SV2C: variants seen among roughly 807,000 people sequenced by gnomAD.
SV2C encodes synaptic vesicle glycoprotein 2C.
A neutral mutation model predicts 79.7 loss-of-function variants in SV2C; 49 were observed. That is an observed-to-expected ratio of 0.61 (90% CI 0.49 to 0.78). The LOEUF (loss-of-function observed/expected upper bound fraction) is 0.78, where lower values mean the gene tolerates loss of function less well. SV2C is among the 30% of genes least tolerant of loss of function. The probability of loss-of-function intolerance (pLI) is 0.00; values close to 1 mark genes in which losing one functional copy is unlikely to be tolerated. For missense variants in SV2C, 833 were observed against 912.9 expected, an observed-to-expected ratio of 0.91 and a Z score of 1.13; for synonymous variants, 334 against 333.2, an observed-to-expected ratio of 1.00 and a Z score of -0.03.
the SV2C span, among the ~76,000 whole-genome samples, chr5:75,902,342 T>C: frequency 6.6e-6 from 1 of 152,204 alleles, no homozygotes; most frequent in African/African-American, 2.4e-5. Flanking sequence ...CTTATGTCCC[T>C]GTGTGCAAGA....
the SV2C span, among the ~76,000 whole-genome samples, chr5:75,939,435 G>A: frequency 6.6e-6 from 1 of 152,002 alleles, no homozygotes; most frequent in Non-Finnish European, 1.5e-5. Context: ...TCAGACCAGG[G>A]CCCCATCCTT....
At chr5:76,279,314 C>T (rs1747112956) in intron 4 of SV2C, among the ~76,000 whole-genome samples, 1 of 152,168 alleles carries the variant, frequency 6.6e-6, no homozygotes, top group Non-Finnish European at 1.5e-5. Flanking sequence ...CAGTGGCATG[C>T]AGGTGGCACT....
Position 76,285,153 on chromosome 5 carries a change from C to T in SV2C, c.914-9C>T. Reference sequence around the variant, plus strand: ...GCTCTCCCTCACTCTCCGTGTCCTCCTTTTCCAGGGTGGAGCTTCAGCATG... The same window carrying T: ...GCTCTCCCTCACTCTCCGTGTCCTCTTTTTCCAGGGTGGAGCTTCAGCATG... On this transcript the variant is annotated splice_polypyrimidine_tract_variant and intron_variant, in intron 4 of 12. Coordinates refer to ENST00000502798, the MANE Select transcript of SV2C (RefSeq NM_014979.4). 1.9e-6 allele frequency: 3 copies of T among 1,613,834 alleles called. No homozygotes were observed. The South Asian group carries it at 3.3e-5, about 18-fold the overall frequency.
At chr5:76,025,429 C>T in the SV2C span, among the ~76,000 whole-genome samples, 20 of 152,154 alleles carry the variant, frequency 1.3e-4, no homozygotes, top group East Asian at 1.7e-3. Flanking sequence ...GCTGTTTATT[C>T]GTAGCAGAAG....
chr5:76,002,437 C>T, the SV2C span, among the ~76,000 whole-genome samples: 1 of 152,080 alleles, frequency 6.6e-6, no homozygotes, highest in Admixed American at 6.5e-5. Flanking sequence ...GCAGTGACTG[C>T]TAGTGGATAT....
intron 2 of SV2C, among the ~76,000 whole-genome samples, chr5:76,191,581 T>C (rs900556251): frequency 6.6e-6 from 1 of 152,190 alleles, no homozygotes; most frequent in Non-Finnish European, 1.5e-5. Context: ...CCCTTAGGGA[T>C]TGTCAGAAAG....
At chr5:75,975,259 C>T in the SV2C span, among the ~76,000 whole-genome samples, 2 of 152,070 alleles carry the variant, frequency 1.3e-5, no homozygotes, top group Non-Finnish European at 2.9e-5. Flanking sequence ...TAGTGAAGCC[C>T]TATTTGTATG....
chr5:76,042,710 C>A, the SV2C span, among the ~76,000 whole-genome samples: 2 of 152,188 alleles, frequency 1.3e-5, no homozygotes, highest in Admixed American at 6.5e-5. Flanking sequence ...GTGTTCAGCC[C>A]CTGAACTGTC....
the SV2C span, among the ~76,000 whole-genome samples, chr5:76,049,824 T>C: frequency 6.6e-6 from 1 of 152,234 alleles, no homozygotes. Flanking sequence ...TTCTTGTTTA[T>C]TTTGTAATAA....
chr5:76,001,101 G>T, the SV2C span, among the ~76,000 whole-genome samples: 1 of 151,880 alleles, frequency 6.6e-6, no homozygotes, highest in African/African-American at 2.4e-5. Context: ...CAGGCAGAAA[G>T]AACCCACTAG....
chr5:76,014,767 A>G, the SV2C span, among the ~76,000 whole-genome samples: 1 of 152,192 alleles, frequency 6.6e-6, no homozygotes, highest in Non-Finnish European at 1.5e-5. Flanking sequence ...TTAAGGTGCA[A>G]GTTACCAGAT....
upstream of SV2C, among the ~76,000 whole-genome samples, chr5:76,080,558 G>A (rs1746970279): frequency 6.6e-6 from 1 of 152,182 alleles, no homozygotes; most frequent in African/African-American, 2.4e-5. Flanking sequence ...TGTGCTTCTT[G>A]TGTATATTAT....
chr5:76,210,825 C>T (rs1501935), intron 4 of SV2C, among the ~76,000 whole-genome samples: 16,821 of 152,144 alleles, frequency 0.11, 1,744 homozygotes, highest in East Asian at 0.31. Flanking sequence ...CCAGGAAATT[C>T]CCAGGAAATA....
intron 1 of SV2C, among the ~76,000 whole-genome samples, chr5:76,098,872 C>T (rs562756232): frequency 6.6e-6 from 1 of 152,300 alleles, no homozygotes; most frequent in African/African-American, 2.4e-5. Flanking sequence ...TTCTTACGGG[C>T]TGACATCAGC....
chr5:75,941,526 C>T, the SV2C span, among the ~76,000 whole-genome samples: 4 of 152,138 alleles, frequency 2.6e-5, no homozygotes, highest in African/African-American at 9.7e-5. Flanking sequence ...CAGTTTTATT[C>T]CTTATAGATG....
the SV2C span, among the ~76,000 whole-genome samples, chr5:75,882,738 CA>C: frequency 6.6e-6 from 1 of 150,848 alleles, no homozygotes; most frequent in Non-Finnish European, 1.5e-5. Context: ...ACACCTTATA[CA>C]AAAATTAATT....
intron 1 of SV2C, among the ~76,000 whole-genome samples, chr5:76,097,885 A>AGT (rs1747616655): frequency 6.6e-6 from 1 of 152,116 alleles, no homozygotes; most frequent in Non-Finnish European, 1.5e-5. Context: ...GAGAGAGGGT[A>AGT]GTGTGTGAGC....
chr5:76,141,907 A>G (rs1749266887), intron 2 of SV2C, among the ~76,000 whole-genome samples: 1 of 152,006 alleles, frequency 6.6e-6, no homozygotes, highest in Non-Finnish European at 1.5e-5. Context: ...TAATTATCTA[A>G]CAATTGGATC....
chr5:76,078,928 G>A (rs116335558), upstream of SV2C: 103 of 543,648 alleles, frequency 1.9e-4, no homozygotes, highest in Admixed American at 6.4e-4. Context: ...AGAAGAGATC[G>A]ACAGCCTTTC....
Sources: allele counts gnomAD v4.1 joint callset (sites outside exome capture counted in the v4.1 genomes callset), GRCh38; gene constraint gnomAD v4.1.1; transcripts MANE v1.5; gene names NCBI Gene and HGNC (gene_info 2026-07-23, HGNC 2026-07-21).